The following CDH12 variants were observed in gnomAD, a reference collection of about 807,000 sequenced individuals.
CDH12 encodes cadherin-12.
CDH12 carries 41 observed loss-of-function variants against 74.1 expected under a neutral mutation model. That is an observed-to-expected ratio of 0.55 (90% CI 0.43 to 0.72). The LOEUF (loss-of-function observed/expected upper bound fraction) is 0.72. Among genes scored for constraint, CDH12 ranks in the 30% least tolerant of loss-of-function variants. The probability of loss-of-function intolerance (pLI) is 0.00; values close to 1 mark genes in which losing one functional copy is unlikely to be tolerated. For missense variants in CDH12, 945 were observed against 977.2 expected (o/e 0.97, Z 0.44); for synonymous variants, 399 against 355.0 (o/e 1.12, Z -1.39).
intron 1 of CDH12, among the ~76,000 whole-genome samples, chr5:22,524,200 G>A (rs536513493): frequency 8.6e-5 from 13 of 151,746 alleles, no homozygotes; most frequent in Admixed American, 1.3e-4. Flanking sequence ...TTGCCCAGGC[G>A]TTTCTCAAAC....
In CDH12 at chr5:22,492,831, G is replaced by T. The variant is rs541480811; in HGVS notation, c.-428+12439C>A. Reference sequence around the variant, plus strand: ...GTTTTTTCTCCCTTGCTCTCCTGAGGTCACCAATTATTTTTTGTTTTATAA... The same window carrying T: ...GTTTTTTCTCCCTTGCTCTCCTGAGTTCACCAATTATTTTTTGTTTTATAA... On this transcript the variant is annotated intron_variant, in intron 2 of 14. Transcript: ENST00000382254. 2.0e-5 allele frequency among the ~76,000 whole-genome samples: 3 copies of T among 152,032 alleles called. No individual in the cohort carries two copies. In the South Asian group the frequency reaches 6.2e-4, roughly 32 times the overall value.
intron 1 of CDH12, among the ~76,000 whole-genome samples, chr5:22,804,278 A>G (rs1212890270): frequency 6.6e-6 from 1 of 152,212 alleles, no homozygotes; most frequent in Admixed American, 6.5e-5. Context: ...TATGTTTAAT[A>G]TGACTTCTCT....
At chr5:22,799,620 G>C (rs1748407298) in intron 1 of CDH12, among the ~76,000 whole-genome samples, 2 of 152,072 alleles carry the variant, frequency 1.3e-5, no homozygotes, top group South Asian at 4.1e-4. Context: ...CTCTTTAATT[G>C]ACTTATTGCA....
At chr5:21,766,329 T>A (rs1026226982) in intron 11 of CDH12, among the ~76,000 whole-genome samples, 1 of 152,036 alleles carries the variant, frequency 6.6e-6, no homozygotes, top group Non-Finnish European at 1.5e-5. Context: ...ATAAATAGTA[T>A]GTTCTTATAA....
rs187272996 is a variant in CDH12 at position 22,020,918 on chromosome 5, C to T, written c.232-45533G>A. On this transcript the variant is annotated intron_variant, in intron 5 of 14. Coordinates refer to ENST00000382254, the MANE Select transcript of CDH12 (RefSeq NM_004061.5). ...CTGATAAGAAATCTTTCTTATTAAA[C>T]AATCTTAACATTTCTAATTGGTGAG... Among the ~76,000 whole-genome samples, 1,161 of 152,024 alleles carry T rather than the reference C, an allele frequency of 7.6e-3. 12 individuals carry two copies. The highest frequency in any genetic ancestry group is 0.026 in the African/African-American group (1,089 of 41,420).
chr5:22,814,805 A>T (rs1372228835), intron 1 of CDH12, among the ~76,000 whole-genome samples: 1 of 152,230 alleles, frequency 6.6e-6, no homozygotes, highest in Non-Finnish European at 1.5e-5. Flanking sequence ...TTTAAAACAT[A>T]CCATGTACAA....
intron 6 of CDH12, among the ~76,000 whole-genome samples, chr5:21,936,085 G>A (rs1483867465): frequency 2.0e-5 from 3 of 152,066 alleles, no homozygotes; most frequent in South Asian, 2.1e-4. Flanking sequence ...GATATACTAT[G>A]TCCTTTCTTT....
chr5:22,225,004 A>G (rs1410627396), intron 3 of CDH12, among the ~76,000 whole-genome samples: 1 of 152,072 alleles, frequency 6.6e-6, no homozygotes, highest in Non-Finnish European at 1.5e-5. Flanking sequence ...CATGACTCAC[A>G]GTAAAATTGA....
chr5:22,807,968 AT>A (rs2126438818), intron 1 of CDH12, among the ~76,000 whole-genome samples: 1 of 152,346 alleles, frequency 6.6e-6, no homozygotes, highest in East Asian at 1.9e-4. Context: ...TGTATAAAAA[AT>A]AAAGTAATTG....
chr5:22,464,980 G>A (rs1217683231), intron 2 of CDH12, among the ~76,000 whole-genome samples: 1 of 140,528 alleles, frequency 7.1e-6, no homozygotes, highest in African/African-American at 2.6e-5. Context: ...CAGCCTGGGT[G>A]AAAGAGTGAG....
At chr5:22,306,548 G>GT (rs1219694943) in intron 3 of CDH12, among the ~76,000 whole-genome samples, 1 of 152,178 alleles carries the variant, frequency 6.6e-6, no homozygotes, top group South Asian at 2.1e-4. Context: ...ACTTTTCTGA[G>GT]TTTTTTTAAC....
intron 4 of CDH12, among the ~76,000 whole-genome samples, chr5:22,192,706 A>T (rs781170176): frequency 1.3e-5 from 2 of 152,318 alleles, no homozygotes; most frequent in Non-Finnish European, 2.9e-5. Flanking sequence ...GGGATGTCAG[A>T]GTAGACCTCT....
intron 9 of CDH12, among the ~76,000 whole-genome samples, chr5:21,804,685 CACACACACAT>C (rs1747335904): frequency 6.9e-6 from 1 of 144,104 alleles, no homozygotes; most frequent in Admixed American, 6.9e-5. Flanking sequence ...CACACACACA[CACACACACAT>C]AGATGTTTTA....
chr5:21,784,359 T>C lies in CDH12; in HGVS notation c.1257-865A>G, dbSNP rs112786132. 9.1e-3 allele frequency among the ~76,000 whole-genome samples: 1,381 copies of C among 152,228 alleles called. 15 individuals carry two copies. The highest frequency in any genetic ancestry group is 0.032 in the African/African-American group (1,317 of 41,560). On this transcript the variant is annotated intron_variant, in intron 10 of 14. Transcript: ENST00000382254. The stretch of plus-strand genomic sequence containing the variant: ...ACAATTTGATAGACGTTATTCTCAA[T>C]GCTTACACATTGAGAATAAAAAATG...
At chr5:22,723,003 G>A (rs1207067598) in intron 1 of CDH12, among the ~76,000 whole-genome samples, 1 of 152,042 alleles carries the variant, frequency 6.6e-6, no homozygotes, top group East Asian at 1.9e-4. Context: ...AATATAGCAG[G>A]TAAACACTGA....
chr5:22,336,145 G>C (rs1739571705), intron 3 of CDH12, among the ~76,000 whole-genome samples: 1 of 152,172 alleles, frequency 6.6e-6, no homozygotes, highest in South Asian at 2.1e-4. Context: ...GTGAAACTTT[G>C]AACTTGAGAG....
chr5:22,178,793 G>T lies in CDH12; in HGVS notation c.-187+33705C>A, dbSNP rs575931037. On this transcript the variant is annotated intron_variant, in intron 4 of 14. Transcript: ENST00000382254. The stretch of plus-strand genomic sequence containing the variant: ...AGATATAATAGACATGAAAATGTTG[G>T]CATCTTTATGAGTCTGGAATTAAAG... 5.6e-3 allele frequency among the ~76,000 whole-genome samples: 860 copies of T among 152,308 alleles called. 1 individual carries two copies. Among genetic ancestry groups the T allele is most frequent in the African/African-American group, 0.02 (819 of 41,558 alleles).
At chr5:22,304,865 A>G (rs1278470305) in intron 3 of CDH12, among the ~76,000 whole-genome samples, 2 of 152,204 alleles carry the variant, frequency 1.3e-5, no homozygotes, top group South Asian at 2.1e-4. Context: ...ATAGCTTGAC[A>G]TAAGGGATGC....
chr5:22,004,712 GT>G (rs1430510256), intron 5 of CDH12, among the ~76,000 whole-genome samples: 1 of 152,106 alleles, frequency 6.6e-6, no homozygotes, highest in African/African-American at 2.4e-5. Context: ...GATGTATTGG[GT>G]AATGGTGAGG....
Sources: gnomAD v4.1 joint callset for allele counts (sites outside exome capture counted in the v4.1 genomes callset) on GRCh38, gnomAD v4.1.1 for gene constraint, MANE v1.5 for transcripts, NCBI Gene and HGNC (gene_info 2026-07-23, HGNC 2026-07-21) for gene names.